STAM: variants seen among roughly 807,000 people sequenced by gnomAD.
The protein encoded by STAM is signal transducing adapter molecule 1.
STAM carries 16 observed loss-of-function variants against 63.4 expected under a neutral mutation model. The ratio of observed to expected loss-of-function variants is 0.25; its 90% CI spans 0.17 to 0.38. The LOEUF (loss-of-function observed/expected upper bound fraction) is 0.38. Among genes scored for constraint, STAM ranks in the 10% least tolerant of loss-of-function variants. The probability of loss-of-function intolerance (pLI) is 1.00; values close to 1 mark genes in which losing one functional copy is unlikely to be tolerated. For missense variants in STAM, 636 were observed against 657.1 expected, an observed-to-expected ratio of 0.97 and a Z score of 0.35; for synonymous variants, 238 against 223.9, an observed-to-expected ratio of 1.06 and a Z score of -0.56.
intron 1 of STAM, among the ~76,000 whole-genome samples, chr10:17,655,938 CCTA>C (rs1833919591): frequency 6.7e-6 from 1 of 149,300 alleles, no homozygotes; most frequent in Non-Finnish European, 1.5e-5. Flanking sequence ...TTTTTTTCCT[CCTA>C]CGTGTGTATT....
At chr10:17,673,609 T>C (rs1834727912) in intron 2 of STAM, among the ~76,000 whole-genome samples, 1 of 152,180 alleles carries the variant, frequency 6.6e-6, no homozygotes, top group Non-Finnish European at 1.5e-5. Flanking sequence ...ATGAGCTGTG[T>C]AACCCTGGGC....
chr10:17,644,171 C>G lies in STAM; in HGVS notation c.-169C>G. The G allele has an allele frequency of 1.5e-6, 1 of 688,688 alleles. No homozygotes were observed. Among genetic ancestry groups the G allele is most frequent in the Non-Finnish European group, 2.5e-6 (1 of 397,806 alleles). The allele number at this position is 688,688 out of a possible 1,614,324, so 42.7% of individuals were successfully genotyped here. A position where few individuals can be genotyped will look rare whatever the true frequency, so the allele number is the denominator to read the frequency against. Reference sequence around the variant, plus strand: ...CGGCTCCTTGCTGTTGCCGCCGCCGCAGCTGCTGCCGCGGTTGGTGGGGTT... The same window carrying G: ...CGGCTCCTTGCTGTTGCCGCCGCCGGAGCTGCTGCCGCGGTTGGTGGGGTT... On this transcript the variant is annotated 5_prime_UTR_variant, in exon 1 of 14. Transcript: ENST00000377524.
At chr10:17,708,687 G>C (rs1434148060) in intron 12 of STAM, 89 bp from the exon 13 acceptor site, 6 of 1,309,274 alleles carry the variant, frequency 4.6e-6, no homozygotes, top group Non-Finnish European at 6.1e-6. Context: ...GATTTTTCTT[G>C]TTTTTGTAAC....
intron 9 of STAM, among the ~76,000 whole-genome samples, chr10:17,703,977 G>A (rs1328743759): frequency 6.6e-6 from 1 of 152,162 alleles, no homozygotes; most frequent in African/African-American, 2.4e-5. Flanking sequence ...AAGCTGCTCC[G>A]AAACAAAGCA....
At chr10:17,699,370 A>G (rs1835893505) in intron 8 of STAM, among the ~76,000 whole-genome samples, 1 of 152,124 alleles carries the variant, frequency 6.6e-6, no homozygotes, top group Admixed American at 6.6e-5. Context: ...ATTTTTATGA[A>G]TTGATTGACC....
At chr10:17,714,121 T>G (rs1374178266) in intron 13 of STAM, among the ~76,000 whole-genome samples, 1 of 152,158 alleles carries the variant, frequency 6.6e-6, no homozygotes, top group Non-Finnish European at 1.5e-5. Flanking sequence ...TTTGCTTAAG[T>G]ATTGCCTTAT....
At chr10:17,671,545 G>C (rs1483001383) in intron 2 of STAM, among the ~76,000 whole-genome samples, 1 of 152,138 alleles carries the variant, frequency 6.6e-6, no homozygotes, top group Non-Finnish European at 1.5e-5. Context: ...GGGTGGTATT[G>C]CTCCATTAGG....
intron 13 of STAM, among the ~76,000 whole-genome samples, chr10:17,711,797 G>A (rs558908251): frequency 5.4e-4 from 83 of 152,304 alleles, no homozygotes; most frequent in Admixed American, 1.1e-3. Context: ...AAGAATGCTT[G>A]TTCTAGATAC....
At chr10:17,667,148 CAG>C (rs1435714972) in intron 2 of STAM, among the ~76,000 whole-genome samples, 1 of 146,204 alleles carries the variant, frequency 6.8e-6, no homozygotes, top group Admixed American at 6.8e-5. Context: ...TTTTTTGAGA[CAG>C]AGTTTCACTT....
intron 1 of STAM, among the ~76,000 whole-genome samples, chr10:17,654,285 T>C (rs186365053): frequency 0.059 from 9,040 of 152,056 alleles, 364 homozygotes; most frequent in Middle Eastern, 0.13. Flanking sequence ...TGCAGTGGCA[T>C]GATCTCAGCT....
chr10:17,693,167 A>G, intron 5 of STAM, 55 bp from the exon 6 acceptor site: 5 of 1,496,166 alleles, frequency 3.3e-6, no homozygotes, highest in Non-Finnish European at 4.6e-6. Context: ...AGGGTGGGTG[A>G]GAGGAGGAGA....
intron 2 of STAM, among the ~76,000 whole-genome samples, chr10:17,683,289 C>G (rs1835161796): frequency 6.6e-6 from 1 of 152,044 alleles, no homozygotes; most frequent in Non-Finnish European, 1.5e-5. Context: ...TCAGGCCATT[C>G]ACTGCGCCCA....
chr10:17,665,514 T>G (rs181346710), intron 2 of STAM, among the ~76,000 whole-genome samples: 2 of 152,256 alleles, frequency 1.3e-5, no homozygotes, highest in Admixed American at 6.5e-5. Flanking sequence ...TCTTCTGCAT[T>G]TATTACTTAA....
chr10:17,696,888 G>T lies in STAM; in HGVS notation c.823+19G>T, dbSNP rs1554827603. The T allele has an allele frequency of 1.3e-6, 2 of 1,568,332 alleles. No individual in the cohort carries two copies. The highest frequency in any genetic ancestry group is 1.1e-5 in the South Asian group (1 of 90,038). Reference sequence around the variant, plus strand: ...GAAATGAGTAAGTATTTTCCAGCCTGCCAATAAATGATGTTTTCTAATCCT... The same window carrying T: ...GAAATGAGTAAGTATTTTCCAGCCTTCCAATAAATGATGTTTTCTAATCCT... On this transcript the variant is annotated intron_variant, in intron 8 of 13. Coordinates refer to ENST00000377524, the MANE Select transcript of STAM (RefSeq NM_003473.4).
chr10:17,668,514 A>G (rs577928623), intron 2 of STAM, among the ~76,000 whole-genome samples: 1 of 152,346 alleles, frequency 6.6e-6, no homozygotes, highest in South Asian at 2.1e-4. Context: ...GACAGTGTAT[A>G]TAATGACATG....
At chr10:17,703,620 G>A (rs1554828817) in intron 9 of STAM, among the ~76,000 whole-genome samples, 1 of 152,160 alleles carries the variant, frequency 6.6e-6, no homozygotes, top group Admixed American at 6.5e-5. Context: ...TCGTATAGAT[G>A]TGTGTATGTA....
At chr10:17,674,249 G>C (rs1438030544) in intron 2 of STAM, among the ~76,000 whole-genome samples, 1 of 152,162 alleles carries the variant, frequency 6.6e-6, no homozygotes, top group Non-Finnish European at 1.5e-5. Flanking sequence ...TCCTTTGTTA[G>C]AGGCTGTTCT....
intron 1 of STAM, among the ~76,000 whole-genome samples, chr10:17,655,022 A>G (rs906468217): frequency 3.3e-5 from 5 of 152,150 alleles, no homozygotes; most frequent in Non-Finnish European, 5.9e-5. Flanking sequence ...AAACAGATTA[A>G]TTCATTATTC....
chr10:17,655,700 C>T (rs1301644345), intron 1 of STAM, among the ~76,000 whole-genome samples: 1 of 152,152 alleles, frequency 6.6e-6, no homozygotes, highest in Non-Finnish European at 1.5e-5. Flanking sequence ...ACAAGAATTT[C>T]ATTATCACTT....
Sources: gnomAD v4.1 joint callset for allele counts (sites outside exome capture counted in the v4.1 genomes callset) on GRCh38, gnomAD v4.1.1 for gene constraint, MANE v1.5 for transcripts, NCBI Gene and HGNC (gene_info 2026-07-23, HGNC 2026-07-21) for gene names.